The following QRICH1 variants were observed in gnomAD, a reference collection of about 807,000 sequenced individuals.
The protein encoded by QRICH1 is glutamine rich 1, also known as transcriptional regulator QRICH1.
QRICH1 carries 16 observed loss-of-function variants against 87.1 expected under a neutral mutation model. The observed-to-expected ratio is 0.18, with a 90% confidence interval of 0.12 to 0.28. The LOEUF (loss-of-function observed/expected upper bound fraction) is 0.28. Ranked by LOEUF, QRICH1 falls within the 10% of genes least tolerant of loss-of-function variation. The pLI, the probability that QRICH1 is intolerant of heterozygous loss-of-function variation, is 1.00. For synonymous variants in QRICH1, 367 were observed against 368.4 expected (o/e 1.00, Z 0.05); for missense variants, 647 against 951.7 (o/e 0.68, Z 4.21).
chr3:49,034,026 A>C (rs957047032), intron 6 of QRICH1, among the ~76,000 whole-genome samples: 3 of 151,680 alleles, frequency 2.0e-5, no homozygotes, highest in South Asian at 2.1e-4. Flanking sequence ...AACAAAAAAA[A>C]CGGCTATTGT....
At chr3:49,039,643 A>T in intron 6 of QRICH1, among the ~76,000 whole-genome samples, 1 of 150,698 alleles carries the variant, frequency 6.6e-6, no homozygotes, top group Non-Finnish European at 1.5e-5. Context: ...AAAAAAAAAA[A>T]GTATGGATAA....
At chr3:49,081,130 G>T (rs1195698378) in intron 1 of QRICH1, among the ~76,000 whole-genome samples, 1 of 151,906 alleles carries the variant, frequency 6.6e-6, no homozygotes, top group Non-Finnish European at 1.5e-5. Flanking sequence ...TAATTTTAGA[G>T]TATTGGCCAG....
intron 1 of QRICH1, among the ~76,000 whole-genome samples, chr3:49,085,672 C>T (rs1379565895): frequency 6.6e-6 from 1 of 151,152 alleles, no homozygotes; most frequent in Non-Finnish European, 1.5e-5. Flanking sequence ...ACAGGAGAAT[C>T]GCTTGAACCT....
At chr3:49,076,171 A>G (rs1165053294) in intron 2 of QRICH1, among the ~76,000 whole-genome samples, 1 of 152,232 alleles carries the variant, frequency 6.6e-6, no homozygotes, top group Non-Finnish European at 1.5e-5. Context: ...CCTGGACCAC[A>G]GTGCAAGACT....
intron 3 of QRICH1, among the ~76,000 whole-genome samples, chr3:49,049,807 A>G (rs1322670141): frequency 1.3e-5 from 2 of 152,056 alleles, no homozygotes; most frequent in Non-Finnish European, 2.9e-5. Flanking sequence ...CAGATTCTGA[A>G]GAGATCTTTA....
Position 49,076,720 on chromosome 3 carries a change from G to T in QRICH1, c.298C>A (p.Gln100Lys). The T allele has an allele frequency of 6.4e-7, 1 of 1,574,166 alleles. No individual in the cohort carries two copies. The highest frequency in any genetic ancestry group is 2.3e-5 in the East Asian group (1 of 44,122). ...CATTTCCCATATACCTGAACCTGCT[G>T]CGGCTGCTGAACCTGGATCTGCTGT... ...QEQQIQVQQP[Q>K]QVQVQVQVQQ... The change falls in exon 2 of 10, where the codon CAG becomes AAG. Residue 100 changes from glutamine (Q) to lysine (K), a missense_variant. Gln to Lys is a moderately conservative substitution (Grantham distance 53). Around this residue, in one of 7 missense-constraint regions of QRICH1, gnomAD observed 156 missense variants for 164.5 expected, o/e 0.95. Transcript: ENST00000395443.
At chr3:49,086,462 T>A (rs1273228613) in intron 1 of QRICH1, among the ~76,000 whole-genome samples, 1 of 151,968 alleles carries the variant, frequency 6.6e-6, no homozygotes, top group Non-Finnish European at 1.5e-5. Flanking sequence ...TTTCGCCGTG[T>A]TAGCCAGGAT....
intron 2 of QRICH1, among the ~76,000 whole-genome samples, chr3:49,068,736 C>A (rs2093482944): frequency 6.6e-6 from 1 of 151,694 alleles, no homozygotes. Flanking sequence ...TCAAGTGATC[C>A]TCCAGCCTCA....
intron 1 of QRICH1, among the ~76,000 whole-genome samples, chr3:49,080,491 CA>C (rs1374018437): frequency 6.6e-6 from 1 of 151,728 alleles, no homozygotes; most frequent in Non-Finnish European, 1.5e-5. Context: ...ACAAAAACAA[CA>C]ACAAAAAATA....
chr3:49,047,832 C>T (rs2093347374), intron 3 of QRICH1, among the ~76,000 whole-genome samples: 1 of 151,988 alleles, frequency 6.6e-6, no homozygotes, highest in Non-Finnish European at 1.5e-5. Context: ...CAGAATCTCT[C>T]TGAGGGGGAG....
intron 1 of QRICH1, among the ~76,000 whole-genome samples, chr3:49,084,369 C>A (rs1165946957): frequency 6.6e-6 from 1 of 151,950 alleles, no homozygotes; most frequent in Admixed American, 6.6e-5. Context: ...AATTCTCCTG[C>A]CTCAGCCTCC....
chr3:49,033,771 G>A (rs764494197), intron 6 of QRICH1: 1 of 152,050 alleles, frequency 6.6e-6, no homozygotes, highest in Non-Finnish European at 1.5e-5. Flanking sequence ...GGTGGATCAC[G>A]AGGTCAGGAG....
In QRICH1 at chr3:49,043,362, G is replaced by A. The variant is rs986696925; in HGVS notation, c.1786+1028C>T. Among the ~76,000 whole-genome samples the A allele has an allele frequency of 7.3e-5, 11 of 151,526 alleles. No individual in the cohort carries two copies. In the East Asian group the frequency reaches 1.9e-3, roughly 27 times the overall value. On this transcript the variant is annotated intron_variant, in intron 6 of 9. Coordinates refer to ENST00000395443, the MANE Select transcript of QRICH1 (RefSeq NM_198880.3). ...AATACAAAAATTAGCCAGGCGTGGT[G>A]GCATGCTCCTGTAATCCCAGCTACT...
At chr3:49,089,359 C>A (rs1472894011) in intron 1 of QRICH1, among the ~76,000 whole-genome samples, 1 of 152,102 alleles carries the variant, frequency 6.6e-6, no homozygotes, top group Non-Finnish European at 1.5e-5. Flanking sequence ...TGCACCCGGC[C>A]ATGGTTCTAT....
intron 2 of QRICH1, among the ~76,000 whole-genome samples, chr3:49,065,630 G>A (rs1161846372): frequency 6.6e-6 from 1 of 151,946 alleles, no homozygotes; most frequent in African/African-American, 2.4e-5. Context: ...AATAAAAACA[G>A]CTTTGACCTT....
intron 6 of QRICH1, among the ~76,000 whole-genome samples, chr3:49,037,924 C>T (rs1361415677): frequency 6.6e-6 from 1 of 151,904 alleles, no homozygotes; most frequent in East Asian, 1.9e-4. Context: ...TGCAGTGAGC[C>T]GAGATCAAGC....
At chr3:49,085,623 T>A (rs1339595401) in intron 1 of QRICH1, among the ~76,000 whole-genome samples, 6 of 151,754 alleles carry the variant, frequency 4.0e-5, no homozygotes, top group African/African-American at 1.5e-4. Flanking sequence ...CCAGGTGTGG[T>A]GACACGTGCC....
intron 6 of QRICH1, among the ~76,000 whole-genome samples, chr3:49,038,223 G>A (rs1016400719): frequency 6.6e-6 from 1 of 151,514 alleles, no homozygotes; most frequent in Non-Finnish European, 1.5e-5. Context: ...ACCACGCCCA[G>A]CTAATTTTTT....
In QRICH1 at chr3:49,031,835, TGA is replaced by T. The variant is rs1425819086; in HGVS notation, c.2138+346_2138+347del. Among the ~76,000 whole-genome samples, 9 of 152,158 alleles carry T rather than the reference TGA, an allele frequency of 5.9e-5. 1 individual carries two copies. The highest frequency in any genetic ancestry group is 4.1e-4 in the South Asian group (2 of 4,834). ...TGAAGGGGCAAAAGGGAGAAAAAGCTGAGAGGAGTCTCACCTAGATTAATGAT... is the reference window on the plus strand; with the variant it reads ...TGAAGGGGCAAAAGGGAGAAAAAGCTGAGGAGTCTCACCTAGATTAATGAT... On this transcript the variant is annotated intron_variant, in intron 9 of 9. Coordinates refer to ENST00000395443, the MANE Select transcript of QRICH1 (RefSeq NM_198880.3).
Sources: gnomAD v4.1 joint callset for allele counts (sites outside exome capture counted in the v4.1 genomes callset) on GRCh38, gnomAD v4.1.1 for gene constraint, gnomAD v4.1.1 regional missense constraint, MANE v1.5 for transcripts, NCBI Gene and HGNC (gene_info 2026-07-23, HGNC 2026-07-21) for gene names.